SLC35D4: variants seen among roughly 807,000 people sequenced by gnomAD.
SLC35D4 encodes the protein UDP-N-acetylglucosamine transporter SLC35D4.
At chr18:23,275,643 T>C in the SLC35D4 span, among the ~76,000 whole-genome samples, 9 of 145,292 alleles carry the variant, frequency 6.2e-5, no homozygotes, top group African/African-American at 2.3e-4. Context: ...TGTGCTGTGC[T>C]GTGCTGTGCT....
At chr18:23,238,635 T>C in the SLC35D4 span, among the ~76,000 whole-genome samples, 1 of 152,248 alleles carries the variant, frequency 6.6e-6, no homozygotes, top group Non-Finnish European at 1.5e-5. Context: ...ATTGCCCTGA[T>C]GTCAAGGAGG....
the SLC35D4 span, among the ~76,000 whole-genome samples, chr18:23,435,317 G>A: frequency 6.6e-6 from 1 of 152,098 alleles, no homozygotes; most frequent in South Asian, 2.1e-4. Flanking sequence ...TTTCATGACA[G>A]ATGTGTTAAT....
At chr18:23,309,936 G>A in the SLC35D4 span, among the ~76,000 whole-genome samples, 2 of 152,312 alleles carry the variant, frequency 1.3e-5, no homozygotes, top group African/African-American at 4.8e-5. Flanking sequence ...TCTGAGCCAA[G>A]CATTTGGTGT....
chr18:23,246,531 A>G, the SLC35D4 span, among the ~76,000 whole-genome samples: 2 of 151,780 alleles, frequency 1.3e-5, no homozygotes, highest in African/African-American at 4.8e-5. Flanking sequence ...AGCTGGGACT[A>G]CAGGCACCCG....
the SLC35D4 span, among the ~76,000 whole-genome samples, chr18:23,412,643 T>C: frequency 6.6e-6 from 1 of 152,200 alleles, no homozygotes; most frequent in Admixed American, 6.5e-5. Context: ...CTAATATTTC[T>C]TGAACCCAAG....
chr18:23,278,539 T>C, the SLC35D4 span, among the ~76,000 whole-genome samples: 1 of 152,176 alleles, frequency 6.6e-6, no homozygotes, highest in Non-Finnish European at 1.5e-5. Flanking sequence ...TCCTGGGAGC[T>C]ATAATTACTG....
chr18:23,249,242 T>C, the SLC35D4 span, among the ~76,000 whole-genome samples: 4 of 152,138 alleles, frequency 2.6e-5, no homozygotes, highest in Non-Finnish European at 5.9e-5. Flanking sequence ...GTCAGGGAAG[T>C]GTAACTGTTA....
chr18:23,310,315 T>C, the SLC35D4 span: 2 of 896,704 alleles, frequency 2.2e-6, no homozygotes, highest in Non-Finnish European at 2.7e-6. Flanking sequence ...TATTTGCAAA[T>C]ATCTAGAAGC....
chr18:23,346,027 T>C, the SLC35D4 span, among the ~76,000 whole-genome samples: 1 of 152,128 alleles, frequency 6.6e-6, no homozygotes, highest in Non-Finnish European at 1.5e-5. Flanking sequence ...TCCCAGCACC[T>C]TGGGAGGCTG....
chr18:23,405,007 A>C, the SLC35D4 span, among the ~76,000 whole-genome samples: 7 of 149,606 alleles, frequency 4.7e-5, no homozygotes, highest in Non-Finnish European at 7.4e-5. Context: ...AAAAAAAAAA[A>C]AAAAAAAAAA....
At chr18:23,333,669 A>C in the SLC35D4 span, among the ~76,000 whole-genome samples, 2 of 152,220 alleles carry the variant, frequency 1.3e-5, no homozygotes, top group Non-Finnish European at 2.9e-5. Context: ...CTGAAGGAAA[A>C]AATACGTTTT....
chr18:23,357,232 G>C, the SLC35D4 span, among the ~76,000 whole-genome samples: 1 of 151,900 alleles, frequency 6.6e-6, no homozygotes, highest in Admixed American at 6.6e-5. Context: ...ATGACTGCAA[G>C]AACAGCACGG....
the SLC35D4 span, among the ~76,000 whole-genome samples, chr18:23,325,315 A>G: frequency 1.3e-5 from 2 of 152,100 alleles, no homozygotes; most frequent in Admixed American, 6.5e-5. Flanking sequence ...AGAAGCTTAA[A>G]AAGGTAGATC....
chr18:23,386,722 CAAAA>C, the SLC35D4 span, among the ~76,000 whole-genome samples: 6 of 108,428 alleles, frequency 5.5e-5, no homozygotes, highest in Admixed American at 9.7e-5. Context: ...AAACTCTCAC[CAAAA>C]AAAAAAAAAA....
At chr18:23,309,787 C>A in the SLC35D4 span, 1 of 1,567,246 alleles carries the variant, frequency 6.4e-7, no homozygotes, top group Non-Finnish European at 8.8e-7. Flanking sequence ...ACCAGCAGGG[C>A]TCTGGAAACC....
the SLC35D4 span, among the ~76,000 whole-genome samples, chr18:23,350,089 C>T: frequency 1.3e-5 from 2 of 152,150 alleles, no homozygotes; most frequent in African/African-American, 4.8e-5. Context: ...GAATACTGAA[C>T]CTTTTACATA....
At chr18:23,239,481 A>AC in the SLC35D4 span, among the ~76,000 whole-genome samples, 2 of 151,808 alleles carry the variant, frequency 1.3e-5, no homozygotes, top group Non-Finnish European at 2.9e-5. Flanking sequence ...AAGGGCCTCA[A>AC]CCCCCCAGCT....
the SLC35D4 span, among the ~76,000 whole-genome samples, chr18:23,378,852 G>A: frequency 6.6e-6 from 1 of 152,094 alleles, no homozygotes; most frequent in Non-Finnish European, 1.5e-5. Context: ...GAAACATGTG[G>A]CTTACTACAA....
the SLC35D4 span, among the ~76,000 whole-genome samples, chr18:23,238,698 T>C: frequency 6.6e-6 from 1 of 152,224 alleles, no homozygotes. Context: ...GCCTTACTTA[T>C]TAAAATTCAC....
Sources: allele counts gnomAD v4.1 joint callset (sites outside exome capture counted in the v4.1 genomes callset), GRCh38; gene constraint gnomAD v4.1.1; transcripts MANE v1.5; gene names NCBI Gene and HGNC (gene_info 2026-07-23, HGNC 2026-07-21).